GALNT13: variants seen among roughly 807,000 people sequenced by gnomAD.
GALNT13 encodes the protein UDP-GalNAc:polypeptide N-acetylgalactosaminyltransferase 13.
A neutral mutation model predicts 64.2 loss-of-function variants in GALNT13; 28 were observed. The observed-to-expected ratio is 0.44, with a 90% CI of 0.32 to 0.60. The LOEUF (loss-of-function observed/expected upper bound fraction) is 0.60. Among genes scored for constraint, GALNT13 ranks in the 20% least tolerant of loss-of-function variants. GALNT13 has a pLI of 0.05. For synonymous variants in GALNT13, 214 were observed against 224.6 expected (o/e 0.95, Z 0.42); for missense variants, 577 against 669.8 (o/e 0.86, Z 1.53).
At chr2:154,302,937 G>T (rs983923105) in intron 9 of GALNT13, among the ~76,000 whole-genome samples, 1 of 152,086 alleles carries the variant, frequency 6.6e-6, no homozygotes, top group Non-Finnish European at 1.5e-5. Context: ...GAAGGGGAAA[G>T]GTCTAGATGC....
At chr2:154,100,147 C>T (rs190461065) in intron 3 of GALNT13, among the ~76,000 whole-genome samples, 3 of 152,120 alleles carry the variant, frequency 2.0e-5, no homozygotes, top group Admixed American at 2.0e-4. Context: ...AATTATATGC[C>T]TCTAGCTTTT....
chr2:153,309,493 T>C, the GALNT13 span, among the ~76,000 whole-genome samples: 9 of 151,566 alleles, frequency 5.9e-5, no homozygotes, highest in East Asian at 1.6e-3. Flanking sequence ...TCCCTAACTT[T>C]GGAAGAAGTT....
intron 3 of GALNT13, among the ~76,000 whole-genome samples, chr2:154,083,294 A>G (rs1034749156): frequency 2.0e-5 from 3 of 152,000 alleles, no homozygotes; most frequent in African/African-American, 7.2e-5. Flanking sequence ...TACCAGTACC[A>G]TGCTGTTTTG....
chr2:154,421,903 A>G (rs979987663), intron 11 of GALNT13, among the ~76,000 whole-genome samples: 2 of 152,112 alleles, frequency 1.3e-5, no homozygotes, highest in Non-Finnish European at 2.9e-5. Context: ...AATACAAAAG[A>G]ATCATTAACA....
the GALNT13 span, among the ~76,000 whole-genome samples, chr2:153,294,605 T>C: frequency 2.6e-5 from 4 of 152,146 alleles, no homozygotes; most frequent in Non-Finnish European, 5.9e-5. Context: ...CTTGAATAAA[T>C]AACAGATGTT....
intron 8 of GALNT13, among the ~76,000 whole-genome samples, chr2:154,288,704 C>T (rs973980025): frequency 6.6e-6 from 1 of 152,204 alleles, no homozygotes; most frequent in African/African-American, 2.4e-5. Flanking sequence ...ATTCCGTTGA[C>T]TCCATATCTC....
chr2:153,326,999 G>A, the GALNT13 span, among the ~76,000 whole-genome samples: 3 of 152,066 alleles, frequency 2.0e-5, no homozygotes, highest in South Asian at 4.1e-4. Flanking sequence ...CAGGAGAATC[G>A]CTTGAACCCA....
rs115780290 is a variant in GALNT13 at position 154,352,905 on chromosome 2, A to G, written c.1157-43086A>G. Reference sequence around the variant, plus strand: ...CATCTCCTTTTGGCAGCATCAAGTTAGGCTTACTGTTAGTATCCTCCAAAC... The same window carrying G: ...CATCTCCTTTTGGCAGCATCAAGTTGGGCTTACTGTTAGTATCCTCCAAAC... On this transcript the variant is annotated intron_variant, in intron 9 of 12. Transcript: ENST00000392825. Among the ~76,000 whole-genome samples the G allele has an allele frequency of 4.0e-3, 606 of 152,326 alleles. 5 individuals are homozygous for G. Among genetic ancestry groups the G allele is most frequent in the African/African-American group, 0.013 (554 of 41,582 alleles).
intron 4 of GALNT13, among the ~76,000 whole-genome samples, chr2:154,144,844 T>C (rs1683473215): frequency 6.6e-6 from 1 of 151,946 alleles, no homozygotes; most frequent in African/African-American, 2.4e-5. Context: ...CCTAGGAATG[T>C]TTAAATATTT....
the GALNT13 span, among the ~76,000 whole-genome samples, chr2:153,787,524 A>G: frequency 2.6e-5 from 4 of 152,218 alleles, no homozygotes; most frequent in African/African-American, 9.6e-5. Flanking sequence ...TCCAGCAACT[A>G]ATCGGCCAGA....
intron 3 of GALNT13, among the ~76,000 whole-genome samples, chr2:154,070,892 T>C (rs1040094438): frequency 1.3e-5 from 2 of 151,620 alleles, no homozygotes; most frequent in Admixed American, 6.6e-5. Context: ...TCCAGCCTAG[T>C]TGACAGAGTG....
At chr2:154,412,432 T>C (rs986226439) in intron 11 of GALNT13, among the ~76,000 whole-genome samples, 6 of 151,588 alleles carry the variant, frequency 4.0e-5, no homozygotes, top group African/African-American at 1.2e-4. Flanking sequence ...TTTTGACTGT[T>C]TTATAAGTAG....
At chr2:154,187,905 G>A (rs1686349252) in intron 4 of GALNT13, among the ~76,000 whole-genome samples, 1 of 151,962 alleles carries the variant, frequency 6.6e-6, no homozygotes, top group Non-Finnish European at 1.5e-5. Flanking sequence ...AAATAGATAT[G>A]TAATGAAGAT....
At chr2:153,343,946 T>A in the GALNT13 span, among the ~76,000 whole-genome samples, 2 of 152,146 alleles carry the variant, frequency 1.3e-5, no homozygotes, top group African/African-American at 4.8e-5. Context: ...CTATCCAACC[T>A]TTTTCACTTA....
chr2:154,456,140 C>A (rs1293952731), downstream of GALNT13, among the ~76,000 whole-genome samples: 1 of 41,084 alleles, frequency 2.4e-5, no homozygotes, highest in Non-Finnish European at 4.5e-5. Flanking sequence ...GATTACATGT[C>A]TTTTTTTGTT....
intron 9 of GALNT13, among the ~76,000 whole-genome samples, chr2:154,392,281 C>A (rs1000521805): frequency 3.9e-5 from 6 of 152,012 alleles, no homozygotes; most frequent in Non-Finnish European, 5.9e-5. Flanking sequence ...ATCTCTTCAA[C>A]TGACCAAAAT....
chr2:153,296,348 G>A, the GALNT13 span, among the ~76,000 whole-genome samples: 2 of 152,052 alleles, frequency 1.3e-5, no homozygotes, highest in Admixed American at 6.6e-5. Context: ...TTAAGATACC[G>A]AGAAAATACT....
At chr2:154,312,607 A>T (rs974944320) in intron 9 of GALNT13, among the ~76,000 whole-genome samples, 2 of 152,222 alleles carry the variant, frequency 1.3e-5, no homozygotes, top group African/African-American at 4.8e-5. Flanking sequence ...AAAAGAATTT[A>T]ACTGTTGAAG....
intron 11 of GALNT13, chr2:154,437,332 A>C (rs1267194016): frequency 4.6e-6 from 1 of 217,502 alleles, no homozygotes; most frequent in African/African-American, 2.4e-5. Flanking sequence ...TGCAGAGGCA[A>C]CTCTTCCAAG....
Sources: gnomAD v4.1 joint callset for allele counts (sites outside exome capture counted in the v4.1 genomes callset) on GRCh38, gnomAD v4.1.1 for gene constraint, MANE v1.5 for transcripts, NCBI Gene and HGNC (gene_info 2026-07-23, HGNC 2026-07-21) for gene names.